MAF1: variants seen among roughly 807,000 people sequenced by gnomAD.
MAF1 encodes MAF1 negative regulator of RNA polymerase III, also known as repressor of RNA polymerase III transcription MAF1 homolog.
A neutral mutation model predicts 31.9 loss-of-function variants in MAF1; 7 were observed. That is an observed-to-expected ratio of 0.22 (90% CI 0.12 to 0.41). MAF1 has a LOEUF of 0.41. Among genes scored for constraint, MAF1 ranks in the 10% least tolerant of loss-of-function variants. The probability of loss-of-function intolerance (pLI) is 1.00; values close to 1 mark genes in which losing one functional copy is unlikely to be tolerated. For missense variants in MAF1, 221 were observed against 323.1 expected (o/e 0.68, Z 2.42); for synonymous variants, 157 against 120.0 (o/e 1.31, Z -2.02).
Position 144,106,876 on chromosome 8 carries a change from A to G in MAF1, c.662A>G (p.Asp221Gly). The G allele has an allele frequency of 6.5e-7, 1 of 1,532,856 alleles. No individual in the cohort carries two copies. Among genetic ancestry groups the G allele is most frequent in the Non-Finnish European group, 8.8e-7 (1 of 1,142,838 alleles). The allele number at this position is 1,532,856 out of a possible 1,614,324, so 95.0% of individuals were successfully genotyped here. A position where few individuals can be genotyped will look rare whatever the true frequency, so the allele number is the denominator to read the frequency against. The change falls in exon 7 of 8, where the codon GAC (aspartate) becomes GGC (glycine). Residue 221 changes from aspartate to glycine, a missense_variant. Asp to Gly is a moderately conservative substitution (Grantham distance 94). Coordinates refer to ENST00000322428, the MANE Select transcript of MAF1 (RefSeq NM_032272.5). Reference sequence around the variant, plus strand: ...CCCTCAGAGGCAGGCAACGAGCTGGACATGGAGCTGGGGGAGGAGGAGGTG... The same window carrying G: ...CCCTCAGAGGCAGGCAACGAGCTGGGCATGGAGCTGGGGGAGGAGGAGGTG... Reference protein sequence around the residue: ...YTPSEAGNELDMELGEEEVEE... With the variant: ...YTPSEAGNELGMELGEEEVEE...
In MAF1 at chr8:144,105,773, C is replaced by T; in HGVS notation, c.83+7C>T. The T allele has an allele frequency of 1.9e-6, 3 of 1,612,768 alleles. No individual in the cohort carries two copies. Among genetic ancestry groups the T allele is most frequent in the Non-Finnish European group, 2.5e-6 (3 of 1,179,888 alleles). ...ATGCCCACATCATTGGCAGGTGAGG[C>T]AGGCTGGGGGGGCTGGCATCTCGGA... On this transcript the variant is annotated splice_region_variant and intron_variant, in intron 2 of 7. Transcript: ENST00000322428.
rs1476892561 is a variant in MAF1 at position 144,106,410 on chromosome 8, A to G, written c.446A>G (p.Gln149Arg). ...GAGGACTTCAAGGATCTGAAACCAC[A>G]GCTGTGGAACGCGGTGGACGAGGAG... ...VREDFKDLKP[Q>R]LWNAVDEEIC... The change falls in exon 5 of 8, where the codon CAG (glutamine) becomes CGG (arginine). Residue 149 changes from glutamine to arginine, a missense_variant. Gln to Arg is a conservative substitution (Grantham distance 43). Around this residue, in one of 2 missense-constraint regions of MAF1, gnomAD observed 146 missense variants for 263.1 expected, o/e 0.56. Coordinates refer to ENST00000322428, the MANE Select transcript of MAF1 (RefSeq NM_032272.5). The G allele has an allele frequency of 1.9e-6, 3 of 1,613,894 alleles. No individual in the cohort carries two copies. The highest frequency in any genetic ancestry group is 2.5e-6 in the Non-Finnish European group (3 of 1,180,024).
At chr8:144,107,040 T>A (rs1271179930) in intron 7 of MAF1, 48 bp from the exon 8 acceptor site, 1 of 1,564,608 alleles carries the variant, frequency 6.4e-7, no homozygotes, top group Non-Finnish European at 8.7e-7. Context: ...CTCTACTTGG[T>A]CTAAGTGGTG....
rs1016350399 is a variant in MAF1 at position 144,106,581 on chromosome 8, C to T, written c.527C>T (p.Pro176Leu). Residue 176 changes from proline to leucine, a missense_variant, in exon 6 of 8, where the codon CCC becomes CTC. By Grantham distance (98) the Pro-to-Leu change is moderately conservative. Around this residue, in one of 2 missense-constraint regions of MAF1, gnomAD observed 146 missense variants for 263.1 expected, o/e 0.56. Transcript: ENST00000322428. ...YSYNPDLDSD[P>L]FGEDGSLWSF... ...TATAACCCAGACTTGGACTCAGATC[C>T]CTTCGGGGAGGATGGTAGCCTCTGG... 6.2e-7 allele frequency: 1 copy of T among 1,613,934 alleles called. No individual in the cohort carries two copies. The highest frequency in any genetic ancestry group is 8.5e-7 in the Non-Finnish European group (1 of 1,180,018).
chr8:144,105,556 G>C (rs575107274), intron 1 of MAF1, 84 bp from the exon 2 acceptor site: 17 of 763,106 alleles, frequency 2.2e-5, no homozygotes, highest in African/African-American at 1.9e-4. Context: ...TGTTCCTAGC[G>C]GCTCCACTTA....
rs772041685 is a variant in MAF1 at position 144,107,121 on chromosome 8, C to T, written c.*12C>T. 3.3e-5 allele frequency: 52 copies of T among 1,561,944 alleles called. 1 individual carries two copies. The highest frequency in any genetic ancestry group is 4.1e-5 in the African/African-American group (3 of 73,444). On this transcript the variant is annotated 3_prime_UTR_variant, in exon 8 of 8. Transcript: ENST00000322428. ...TGATCTGTATTTGATGAGGAGGAGC[C>T]GAGGCCCCAGCTTCATCCAGCTTCA...
intron 6 of MAF1, 80 bp from the exon 7 acceptor site, chr8:144,106,755 G>T: frequency 6.4e-7 from 1 of 1,574,112 alleles, no homozygotes; most frequent in Non-Finnish European, 8.6e-7. Flanking sequence ...ACCCAGCTTT[G>T]CCCTCCCTGA....
At chr8:144,105,567 G>C in intron 1 of MAF1, 73 bp from the exon 2 acceptor site, 2 of 864,042 alleles carry the variant, frequency 2.3e-6, no homozygotes. Flanking sequence ...GCTCCACTTA[G>C]TGGGTAGGAG....
intron 2 of MAF1, 21 bp downstream of exon 2, chr8:144,105,787 T>C: frequency 6.2e-7 from 1 of 1,612,508 alleles, no homozygotes. Context: ...CTGGGGGGGC[T>C]GGCATCTCGG....
chr8:144,107,411 T>C lies in MAF1; in HGVS notation c.*302T>C. The C allele has an allele frequency of 1.7e-6, 1 of 582,110 alleles. No homozygotes were observed. Among genetic ancestry groups the C allele is most frequent in the Non-Finnish European group, 3.1e-6 (1 of 325,252 alleles). 36.1% of individuals were successfully genotyped at this position (582,110 alleles called of 1,614,324 possible). A position where few individuals can be genotyped will look rare whatever the true frequency, so the allele number is the denominator to read the frequency against. On this transcript the variant is annotated 3_prime_UTR_variant, in exon 8 of 8. Transcript: ENST00000322428. Reference sequence around the variant, plus strand: ...GACAGCTGGACCGCAGAGTTTATTTTTGTATTTCTACTGGGCCTGCACACT... The same window carrying C: ...GACAGCTGGACCGCAGAGTTTATTTCTGTATTTCTACTGGGCCTGCACACT...
At chr8:144,106,508 G>C in intron 5 of MAF1, 44 bp downstream of exon 5, 4 of 1,613,922 alleles carry the variant, frequency 2.5e-6, no homozygotes, top group Non-Finnish European at 3.4e-6. Flanking sequence ...CTCCAGGTTT[G>C]TGGGGCACTT....
rs201680301 is a variant in MAF1 at position 144,105,852 on chromosome 8, C to T, written c.84-17C>T. 9.8e-5 allele frequency: 158 copies of T among 1,612,938 alleles called. No individual in the cohort carries two copies. In the East Asian group the frequency reaches 2.8e-3, roughly 28 times the overall value. On this transcript the variant is annotated splice_polypyrimidine_tract_variant and intron_variant, in intron 2 of 7. Coordinates refer to ENST00000322428, the MANE Select transcript of MAF1 (RefSeq NM_032272.5). Reference sequence around the variant, plus strand: ...CCTGGGGGAAGCATGCTTCATGGTTCTCTCTGCATCCTATAGGATTGAGAG... The same window carrying T: ...CCTGGGGGAAGCATGCTTCATGGTTTTCTCTGCATCCTATAGGATTGAGAG...
At position 144,105,601 on chromosome 8, in the gene MAF1, G is replaced by A. The variant is rs1445838850; in HGVS notation, c.-44-39G>A. 1.3e-5 allele frequency: 17 copies of A among 1,302,378 alleles called. No homozygotes were observed. In the Admixed American group the frequency reaches 2.1e-4, roughly 16 times the overall value. 80.7% of individuals were successfully genotyped at this position (1,302,378 alleles called of 1,614,324 possible). A position where few individuals can be genotyped will look rare whatever the true frequency, so the allele number is the denominator to read the frequency against. On this transcript the variant is annotated intron_variant, in intron 1 of 7. Transcript: ENST00000322428. Reference sequence around the variant, plus strand: ...AGGGCTGAAGGCAGGGCCCCAAGGGGCCAGATAGATACCCATGGTCTGGTC... The same window carrying A: ...AGGGCTGAAGGCAGGGCCCCAAGGGACCAGATAGATACCCATGGTCTGGTC...
Position 144,106,334 on chromosome 8 carries a change from C to T in MAF1, c.379-9C>T. On this transcript the variant is annotated splice_polypyrimidine_tract_variant and intron_variant, in intron 4 of 7. Coordinates refer to ENST00000322428, the MANE Select transcript of MAF1 (RefSeq NM_032272.5). ...GGGCTCCTGTCACCCTGACTGTGAC[C>T]TGCCCTAGGTGGTGAATGCAGTCAA... 6.2e-7 allele frequency: 1 copy of T among 1,613,152 alleles called. No homozygotes were observed. The highest frequency in any genetic ancestry group is 1.1e-5 in the South Asian group (1 of 91,076).
chr8:144,105,395 A>T, intron 1 of MAF1: 1 of 465,666 alleles, frequency 2.1e-6, no homozygotes, highest in South Asian at 2.4e-5. Flanking sequence ...GGTCTAGTCT[A>T]GTCCCAGAAC....
chr8:144,104,521 A>ATGTC lies in MAF1; in HGVS notation c.-382_-381insTGTC. On this transcript the variant is annotated 5_prime_UTR_variant, in exon 1 of 8. It adds an upstream start codon to the 5' untranslated region. Coordinates refer to ENST00000322428, the MANE Select transcript of MAF1 (RefSeq NM_032272.5). The stretch of plus-strand genomic sequence containing the variant: ...GTTGTTGTCCGGCCGGGGGAGGCGG[A>ATGTC]GGTCGCTCGCTCGCTCGCTCGGCTC... 6.6e-6 allele frequency: 1 copy of ATGTC among 151,392 alleles called. No homozygotes were observed. Among genetic ancestry groups the ATGTC allele is most frequent in the Non-Finnish European group, 1.5e-5 (1 of 67,916 alleles). The allele number at this position is 151,392 out of a possible 1,614,324, so 9.4% of individuals were successfully genotyped here. A position where few individuals can be genotyped will look rare whatever the true frequency, so the allele number is the denominator to read the frequency against.
In MAF1 at chr8:144,107,207, C is replaced by T; in HGVS notation, c.*98C>T. 14 of 1,457,616 alleles carry T rather than the reference C, an allele frequency of 9.6e-6. No individual in the cohort carries two copies. The highest frequency in any genetic ancestry group is 1.3e-5 in the Non-Finnish European group (14 of 1,063,046). The allele number at this position is 1,457,616 out of a possible 1,614,324, so 90.3% of individuals were successfully genotyped here. On this transcript the variant is annotated 3_prime_UTR_variant, in exon 8 of 8. Transcript: ENST00000322428. ...GGGGCCTCCCCAGCTGCTGGCCAGA[C>T]CCTGGCGCTGCCACAGTCCTGGCAC...
At chr8:144,105,300 C>CTTT (rs386414271) in intron 1 of MAF1, 4 of 227,368 alleles carry the variant, frequency 1.8e-5, no homozygotes, top group Admixed American at 5.1e-5. Context: ...GGCTGGAGCT[C>CTTT]TTTTGGAGTG....
chr8:144,105,729 C>T lies in MAF1; in HGVS notation c.46C>T (p.Leu16=), dbSNP rs774447183. The T allele has an allele frequency of 2.2e-5, 36 of 1,613,258 alleles. No individual in the cohort carries two copies. The highest frequency in any genetic ancestry group is 3.0e-5 in the Non-Finnish European group (35 of 1,180,016). Residue 16 remains leucine, a synonymous_variant, in exon 2 of 8, where the codon CTG becomes TTG. Transcript: ENST00000322428. ...NSSFEAINSQ[L]TVETGDAHII... ...GAGCTTTGAAGCCATCAACTCACAG[C>T]TGACTGTGGAGACTGGAGATGCCCA... is the stretch of plus-strand genomic sequence containing the variant.
Sources: allele counts gnomAD v4.1 joint callset, GRCh38; gene constraint gnomAD v4.1.1; regional missense constraint gnomAD v4.1.1; transcripts MANE v1.5; gene names NCBI Gene and HGNC (gene_info 2026-07-23, HGNC 2026-07-21).